The following CEP72 variants were observed in gnomAD, a reference collection of about 807,000 sequenced individuals.
CEP72 encodes the protein centrosomal protein 72, also known as centrosomal protein of 72 kDa.
Under a neutral mutation model 65.7 loss-of-function variants are expected in CEP72, and 78 were observed. That is an observed-to-expected ratio of 1.19 (90% CI 0.99 to 1.43). CEP72 has a LOEUF of 1.43. Ranked by LOEUF, CEP72 falls within the 40% of genes most tolerant of loss-of-function variation. The probability of loss-of-function intolerance (pLI) is 0.00; values close to 1 mark genes in which losing one functional copy is unlikely to be tolerated. For missense variants in CEP72, 914 were observed against 832.9 expected (o/e 1.10, Z -1.20); for synonymous variants, 358 against 351.7 (o/e 1.02, Z -0.20).
At chr5:646,217 C>T (rs1296391769) in intron 10 of CEP72, among the ~76,000 whole-genome samples, 1 of 152,256 alleles carries the variant, frequency 6.6e-6, no homozygotes, top group African/African-American at 2.4e-5. Context: ...TCTTAGCCTT[C>T]ACTTCCAGTG....
At chr5:669,240 C>T (rs937422727), downstream of CEP72, among the ~76,000 whole-genome samples, 16 of 152,034 alleles carry the variant, frequency 1.1e-4, no homozygotes, top group East Asian at 7.8e-4. Context: ...GGCCATAGGG[C>T]GCTGTTGTCC....
the CEP72 span, among the ~76,000 whole-genome samples, chr5:673,901 G>A: frequency 6.6e-6 from 1 of 152,244 alleles, no homozygotes; most frequent in South Asian, 2.1e-4. Context: ...CAGCCACCCA[G>A]CCCCACCCAC....
At chr5:667,978 A>G (rs536964331), downstream of CEP72, among the ~76,000 whole-genome samples, 54 of 35,040 alleles carry the variant, frequency 1.5e-3, 9 homozygotes, top group East Asian at 4.1e-3. Flanking sequence ...ACAAGCACAC[A>G]GAGAGGGGGC....
At chr5:613,852 AAACTT>A (rs1350998222) in intron 1 of CEP72, among the ~76,000 whole-genome samples, 6 of 152,252 alleles carry the variant, frequency 3.9e-5, no homozygotes, top group Non-Finnish European at 7.3e-5. Context: ...CTCAAATGGA[AAACTT>A]AACGGTTTAT....
chr5:659,372 A>G (rs1378405963), downstream of CEP72, among the ~76,000 whole-genome samples: 1 of 152,244 alleles, frequency 6.6e-6, no homozygotes, highest in Non-Finnish European at 1.5e-5. Context: ...CAGACATGCC[A>G]TTTGAGATCA....
intron 4 of CEP72, chr5:666,256 G>C: frequency 1.0e-6 from 1 of 993,304 alleles, no homozygotes; most frequent in Non-Finnish European, 1.5e-6. Context: ...GGCCGCCCTG[G>C]TAGCACTGCA....
chr5:635,368 A>G lies in CEP72; in HGVS notation c.692-4A>G, dbSNP rs371790061. 11 of 1,580,360 alleles carry G rather than the reference A, an allele frequency of 7.0e-6. No homozygotes were observed. Among genetic ancestry groups the G allele is most frequent in the Non-Finnish European group, 9.5e-6 (11 of 1,155,590 alleles). ...GAAATATTTTATTTACAATATTTTAATAGAATCCAGACATCTGTTGAGCCC... is the reference window on the plus strand; with the variant it reads ...GAAATATTTTATTTACAATATTTTAGTAGAATCCAGACATCTGTTGAGCCC... On this transcript the variant is annotated splice_region_variant and splice_polypyrimidine_tract_variant and intron_variant, in intron 5 of 11. Transcript: ENST00000264935.
At chr5:619,700 C>G (rs72705014) in intron 2 of CEP72, among the ~76,000 whole-genome samples, 19,762 of 152,268 alleles carry the variant, frequency 0.13, 1,637 homozygotes, top group Non-Finnish European at 0.19. Context: ...CCTCATCTTT[C>G]CCCGTTCCCA....
intron 11 of CEP72, among the ~76,000 whole-genome samples, chr5:649,981 CTG>C (rs140601311): frequency 1.5e-4 from 4 of 26,774 alleles, no homozygotes; most frequent in Admixed American, 4.8e-4. Context: ...TGAGGTGTGA[CTG>C]TGAGGCGTGG....
intron 1 of CEP72, among the ~76,000 whole-genome samples, chr5:616,834 G>A (rs911230694): frequency 6.7e-6 from 1 of 150,262 alleles, no homozygotes; most frequent in African/African-American, 2.5e-5. Context: ...GTGTGTGTGC[G>A]CGCGAGTGGG....
At chr5:668,565 C>G (rs111842449), downstream of CEP72, among the ~76,000 whole-genome samples, 2 of 152,346 alleles carry the variant, frequency 1.3e-5, no homozygotes, top group African/African-American at 4.8e-5. Context: ...ACTGCCGGCA[C>G]CTCGAGCTGA....
At chr5:665,975 C>A (rs762232901) in exon 4 of CEP72, 1 of 1,585,844 alleles carries the variant, frequency 6.3e-7, no homozygotes, top group East Asian at 2.3e-5. Context: ...CTCACCGTCA[C>A]CCCTGAGATG....
Position 637,747 on chromosome 5 carries a change from A to G in CEP72, c.1135A>G (p.Arg379Gly). ...GGACAGCTCAGAAAGCAGGAACGGG[A>G]GGACCTTGTCTCAGCCTGAGGCCTC... ...RQDSSESRNG[R>G]TLSQPEASET... Residue 379 changes from arginine (R) to glycine (G), a missense_variant, in exon 7 of 12, where the codon AGG becomes GGG. Physicochemically the swap from Arg to Gly is moderately radical, Grantham distance 125. Transcript: ENST00000264935. 1 of 1,612,572 alleles carries G rather than the reference A, an allele frequency of 6.2e-7. No homozygotes were observed. The highest frequency in any genetic ancestry group is 1.7e-5 in the Admixed American group (1 of 59,924).
At chr5:635,189 C>G (rs112331602) in intron 5 of CEP72, among the ~76,000 whole-genome samples, 183 bp from the exon 6 acceptor site, 2 of 152,354 alleles carry the variant, frequency 1.3e-5, no homozygotes, top group Admixed American at 1.3e-4. Context: ...GGCGCCAGTT[C>G]CCAGTTCCAA....
chr5:643,479 G>A (rs1346795891), intron 9 of CEP72: 4 of 985,280 alleles, frequency 4.1e-6, no homozygotes, highest in Non-Finnish European at 3.6e-6. Context: ...CCTGGCGGGT[G>A]CATGCATGCT....
At chr5:675,650 G>T in the CEP72 span, among the ~76,000 whole-genome samples, 1 of 152,038 alleles carries the variant, frequency 6.6e-6, no homozygotes, top group South Asian at 2.1e-4. Context: ...CTGTTGGACG[G>T]ACCCTCGAGG....
intron 1 of CEP72, among the ~76,000 whole-genome samples, chr5:613,872 T>C (rs1445723328): frequency 1.3e-5 from 2 of 152,250 alleles, no homozygotes; most frequent in Non-Finnish European, 2.9e-5. Flanking sequence ...GTTTATAATG[T>C]CCAGGTTATT....
chr5:658,960 G>A (rs759180563), downstream of CEP72, among the ~76,000 whole-genome samples: 4 of 152,198 alleles, frequency 2.6e-5, no homozygotes, highest in African/African-American at 7.2e-5. Context: ...GAGCCACCGC[G>A]CCCGGCCTCA....
rs1031118538 is a variant in CEP72 at position 612,390 on chromosome 5, T to C, written c.29T>C (p.Leu10Pro). The C allele has an allele frequency of 1.8e-5, 27 of 1,491,134 alleles. No homozygotes were observed. The Admixed American group carries it at 5.9e-4, about 33-fold the overall frequency. 92.4% of individuals were successfully genotyped at this position (1,491,134 alleles called of 1,614,324 possible). The change falls in exon 1 of 12, where the codon CTG becomes CCG. Residue 10 changes from leucine (L) to proline (P), a missense_variant. By Grantham distance (98) the Leu-to-Pro change is moderately conservative. Coordinates refer to ENST00000264935, the MANE Select transcript of CEP72 (RefSeq NM_018140.4). ...GCGCGGGCTGGCCCTCGGCTGGTGC[T>C]GAGCGAGGAGGCGGTTCGGGCGAAG... MARAGPRLVLSEEAVRAKSG... is the reference protein window; with the variant it reads MARAGPRLVPSEEAVRAKSG...
Sources: allele counts gnomAD v4.1 joint callset (sites outside exome capture counted in the v4.1 genomes callset), GRCh38; gene constraint gnomAD v4.1.1; transcripts MANE v1.5; gene names NCBI Gene and HGNC (gene_info 2026-07-23, HGNC 2026-07-21).